The following TDRP variants were observed in gnomAD, a reference collection of about 807,000 sequenced individuals.
TDRP encodes testis development-related protein.
A neutral mutation model predicts 10.5 loss-of-function variants in TDRP; 12 were observed. The ratio of observed to expected loss-of-function variants is 1.15; its 90% CI spans 0.73 to 1.86. The LOEUF is 1.86. Among genes scored for constraint, TDRP ranks in the 40% most tolerant of loss-of-function variants. TDRP has a pLI of 0.00. For missense variants in TDRP, 353 were observed against 229.2 expected, an observed-to-expected ratio of 1.54 and a Z score of -3.49; for synonymous variants, 139 against 95.4, an observed-to-expected ratio of 1.46 and a Z score of -2.67.
chr8:499,526 C>A (rs1801227891), intron 1 of TDRP, among the ~76,000 whole-genome samples: 1 of 152,204 alleles, frequency 6.6e-6, no homozygotes, highest in South Asian at 2.1e-4. Context: ...CTCTAACATG[C>A]ACCTCCATGG....
rs534235060 is a variant in TDRP at position 525,916 on chromosome 8, T to G, written c.108+18734A>C. 1.6e-3 allele frequency among the ~76,000 whole-genome samples: 243 copies of G among 152,332 alleles called. 1 individual carries two copies. The highest frequency in any genetic ancestry group is 5.7e-3 in the African/African-American group (238 of 41,570). On this transcript the variant is annotated intron_variant, in intron 1 of 2. Transcript: ENST00000324079. Reference sequence around the variant, plus strand: ...TTAAATGTTAGGTGGAATTCAGCAGTGAAGCCATTGGGTCCTGGGCTTTTC... The same window carrying G: ...TTAAATGTTAGGTGGAATTCAGCAGGGAAGCCATTGGGTCCTGGGCTTTTC...
chr8:524,982 G>C (rs1044912300), intron 1 of TDRP, among the ~76,000 whole-genome samples: 1 of 152,068 alleles, frequency 6.6e-6, no homozygotes, highest in Non-Finnish European at 1.5e-5. Context: ...ACACCAAGCA[G>C]ATTTAACCCA....
intron 1 of TDRP, among the ~76,000 whole-genome samples, chr8:542,623 A>T (rs1299235767): frequency 6.6e-6 from 1 of 151,756 alleles, no homozygotes; most frequent in Non-Finnish European, 1.5e-5. Context: ...CCAGCACTTC[A>T]GAAGGCCGAG....
intron 2 of TDRP, among the ~76,000 whole-genome samples, chr8:493,494 G>C (rs1317751153): frequency 2.0e-5 from 3 of 152,274 alleles, no homozygotes; most frequent in Non-Finnish European, 4.4e-5. Context: ...CAGAGAAGCA[G>C]ACCGGGGGCC....
intron 1 of TDRP, among the ~76,000 whole-genome samples, chr8:511,715 T>C (rs1801624157): frequency 6.6e-6 from 1 of 152,210 alleles, no homozygotes. Flanking sequence ...CCTGGATATA[T>C]TTAACAGGAT....
At chr8:508,167 CAG>C (rs1390491413) in intron 1 of TDRP, among the ~76,000 whole-genome samples, 4 of 152,112 alleles carry the variant, frequency 2.6e-5, no homozygotes, top group Admixed American at 2.6e-4. Flanking sequence ...AGTAAAGAGA[CAG>C]AAATTATCAA....
At chr8:494,393 C>G (rs1293174587) in intron 2 of TDRP, 101 bp downstream of exon 2, 1 of 1,177,088 alleles carries the variant, frequency 8.5e-7, no homozygotes, top group Non-Finnish European at 1.2e-6. Context: ...CACAATGCCT[C>G]CAGTTACACT....
chr8:503,840 A>T (rs1198903171), intron 1 of TDRP, among the ~76,000 whole-genome samples: 1 of 144,130 alleles, frequency 6.9e-6, no homozygotes, highest in African/African-American at 2.5e-5. Context: ...CACACACTGG[A>T]ACCAATGCCC....
chr8:536,636 T>C (rs1802354081), intron 1 of TDRP, among the ~76,000 whole-genome samples: 1 of 152,238 alleles, frequency 6.6e-6, no homozygotes, highest in South Asian at 2.1e-4. Flanking sequence ...AAAGGATCTC[T>C]AACAAATTTT....
intron 1 of TDRP, among the ~76,000 whole-genome samples, chr8:510,172 G>C (rs1435108269): frequency 1.3e-5 from 2 of 152,142 alleles, no homozygotes; most frequent in Non-Finnish European, 2.9e-5. Context: ...GTTTAAATAG[G>C]TACGCATAAT....
At chr8:514,007 G>A (rs1597136) in intron 1 of TDRP, among the ~76,000 whole-genome samples, 1 of 146,888 alleles carries the variant, frequency 6.8e-6, no homozygotes, top group Non-Finnish European at 1.5e-5. Flanking sequence ...ACATTATTAA[G>A]ATGGCAATAC....
At chr8:514,224 C>T (rs11778379) in intron 1 of TDRP, among the ~76,000 whole-genome samples, 1 of 152,210 alleles carries the variant, frequency 6.6e-6, no homozygotes, top group Admixed American at 6.5e-5. Flanking sequence ...CAGTGTGGTA[C>T]TAGCACATCA....
chr8:512,123 TA>T (rs75801165), intron 1 of TDRP, among the ~76,000 whole-genome samples: 22 of 145,568 alleles, frequency 1.5e-4, no homozygotes, highest in South Asian at 2.2e-4. Context: ...TTTCGTTCTT[TA>T]AAAAAAAAAA....
At chr8:537,652 C>A (rs144607119) in intron 1 of TDRP, among the ~76,000 whole-genome samples, 1 of 152,040 alleles carries the variant, frequency 6.6e-6, no homozygotes, top group East Asian at 1.9e-4. Flanking sequence ...AAGAATTCAC[C>A]GGGGTTTGAG....
rs543755856 is a variant in TDRP at position 490,892 on chromosome 8, T to G, written c.*1507A>C. 2 of 150,200 alleles carry G rather than the reference T, an allele frequency of 1.3e-5. No individual in the cohort carries two copies. The highest frequency in any genetic ancestry group is 6.6e-5 in the Admixed American group (1 of 15,082). The allele number at this position is 150,200 out of a possible 1,614,324, so 9.3% of individuals were successfully genotyped here. A position where few individuals can be genotyped will look rare whatever the true frequency, so the allele number is the denominator to read the frequency against. On this transcript the variant is annotated 3_prime_UTR_variant, in exon 3 of 3. Transcript: ENST00000324079. ...CTTCTTGTTCTATTAAAAAAAAAAGTAGATGATTGACAGAAGGCTAGATGG... is the reference window on the plus strand; with the variant it reads ...CTTCTTGTTCTATTAAAAAAAAAAGGAGATGATTGACAGAAGGCTAGATGG...
At chr8:497,606 A>G (rs1801171934) in intron 1 of TDRP, among the ~76,000 whole-genome samples, 1 of 152,250 alleles carries the variant, frequency 6.6e-6, no homozygotes, top group African/African-American at 2.4e-5. Context: ...GGTAGAAAAG[A>G]AAACCCTTTC....
At chr8:493,261 A>T (rs1801030286) in intron 2 of TDRP, among the ~76,000 whole-genome samples, 1 of 152,266 alleles carries the variant, frequency 6.6e-6, no homozygotes, top group Admixed American at 6.5e-5. Flanking sequence ...GGGAAGAAAG[A>T]TCCTAAACTA....
At chr8:536,632 T>A (rs1480974116) in intron 1 of TDRP, among the ~76,000 whole-genome samples, 1 of 152,208 alleles carries the variant, frequency 6.6e-6, no homozygotes, top group Non-Finnish European at 1.5e-5. Context: ...ATGTAAAGGA[T>A]CTCTAACAAA....
intron 1 of TDRP, among the ~76,000 whole-genome samples, chr8:501,518 TG>T (rs1801299778): frequency 1.3e-5 from 2 of 152,044 alleles, no homozygotes; most frequent in East Asian, 4.0e-4. Context: ...AGCTAATTTT[TG>T]TATTTTTAGT....
Sources: allele counts gnomAD v4.1 joint callset (sites outside exome capture counted in the v4.1 genomes callset), GRCh38; gene constraint gnomAD v4.1.1; transcripts MANE v1.5; gene names NCBI Gene and HGNC (gene_info 2026-07-23, HGNC 2026-07-21).